Variants in PAK5 observed in about 807,000 individuals in gnomAD.
The protein encoded by PAK5 is p21 (RAC1) activated kinase 5.
PAK5 carries 16 observed loss-of-function variants against 65.9 expected under a neutral mutation model. The ratio of observed to expected loss-of-function variants is 0.24; its 90% CI spans 0.16 to 0.37. PAK5 has a LOEUF of 0.37. Among genes scored for constraint, PAK5 ranks in the 10% least tolerant of loss-of-function variants. The probability of loss-of-function intolerance (pLI) is 1.00; values close to 1 mark genes in which losing one functional copy is unlikely to be tolerated. For missense variants in PAK5, 785 were observed against 903.9 expected (o/e 0.87, Z 1.69); for synonymous variants, 371 against 354.9 (o/e 1.05, Z -0.51).
intron 7 of PAK5, among the ~76,000 whole-genome samples, chr20:9,556,864 C>T (rs1308111257): frequency 2.0e-5 from 3 of 152,158 alleles, no homozygotes; most frequent in African/African-American, 7.2e-5. Flanking sequence ...TGCATTTTGG[C>T]TCCTAGCTGA....
intron 3 of PAK5, among the ~76,000 whole-genome samples, chr20:9,636,332 C>T (rs575610282): frequency 6.6e-6 from 1 of 152,010 alleles, no homozygotes; most frequent in African/African-American, 2.4e-5. Flanking sequence ...ACATAAACTA[C>T]GATGGGAGAG....
chr20:9,690,926 T>C (rs1194906435), intron 2 of PAK5, among the ~76,000 whole-genome samples: 1 of 151,734 alleles, frequency 6.6e-6, no homozygotes, highest in Non-Finnish European at 1.5e-5. Flanking sequence ...GCTAATTTTT[T>C]GTATTTTTAA....
intron 1 of PAK5, among the ~76,000 whole-genome samples, chr20:9,738,310 C>T (rs6141022): frequency 0.11 from 16,351 of 151,882 alleles, 997 homozygotes; most frequent in African/African-American, 0.16. Flanking sequence ...CCATTTCATG[C>T]CTAGGTATTT....
intron 3 of PAK5, among the ~76,000 whole-genome samples, chr20:9,608,082 A>T (rs1443984695): frequency 6.6e-6 from 1 of 152,198 alleles, no homozygotes; most frequent in Non-Finnish European, 1.5e-5. Context: ...AGGGAGCTGT[A>T]TGGGGTCTCT....
chr20:9,785,821 A>G (rs1000885861), intron 1 of PAK5, among the ~76,000 whole-genome samples: 1 of 152,180 alleles, frequency 6.6e-6, no homozygotes, highest in Non-Finnish European at 1.5e-5. Flanking sequence ...AATAATTGTT[A>G]AAGTGGCATG....
intron 1 of PAK5, among the ~76,000 whole-genome samples, chr20:9,807,375 G>A (rs2049245433): frequency 6.6e-6 from 1 of 152,072 alleles, no homozygotes; most frequent in South Asian, 2.1e-4. Context: ...CAAATACTCA[G>A]TGTTGGCAAG....
intron 3 of PAK5, among the ~76,000 whole-genome samples, chr20:9,634,420 G>A (rs528602702): frequency 2.0e-5 from 3 of 152,284 alleles, no homozygotes; most frequent in East Asian, 3.9e-4. Context: ...TAATAACTAG[G>A]CCATGTGAGC....
chr20:9,816,096 G>C (rs141780224), intron 1 of PAK5, among the ~76,000 whole-genome samples: 11 of 152,290 alleles, frequency 7.2e-5, no homozygotes, highest in African/African-American at 2.6e-4. Context: ...ATGAGGGCAG[G>C]CTCTGGAGAA....
intron 1 of PAK5, among the ~76,000 whole-genome samples, chr20:9,836,968 C>A (rs1979199480): frequency 1.3e-5 from 2 of 152,224 alleles, no homozygotes; most frequent in African/African-American, 2.4e-5. Flanking sequence ...GCCTCCCATA[C>A]CTACAGCATT....
chr20:9,770,153 G>A (rs755550976), intron 1 of PAK5, among the ~76,000 whole-genome samples: 1 of 152,106 alleles, frequency 6.6e-6, no homozygotes, highest in East Asian at 1.9e-4. Context: ...TTGGGCAGGC[G>A]AAAGAGGACG....
intron 1 of PAK5, among the ~76,000 whole-genome samples, chr20:9,753,724 C>G (rs1346472511): frequency 1.3e-5 from 2 of 152,078 alleles, no homozygotes; most frequent in Non-Finnish European, 2.9e-5. Context: ...TTTGCCAAAG[C>G]CTACTGAAAA....
chr20:9,582,411 T>A (rs952507846), intron 3 of PAK5, among the ~76,000 whole-genome samples: 1 of 152,198 alleles, frequency 6.6e-6, no homozygotes, highest in Non-Finnish European at 1.5e-5. Flanking sequence ...GTTTTTCCCA[T>A]GTTTAAACAG....
Position 9,689,408 on chromosome 20 carries a change from T to C in PAK5, c.-12+21878A>G, listed in dbSNP as rs535327173. Reference sequence around the variant, plus strand: ...ACTTCAATAGCAGATGGACACTCAATTGATTGCAAGCAGACTCTTAATTAT... The same window carrying C: ...ACTTCAATAGCAGATGGACACTCAACTGATTGCAAGCAGACTCTTAATTAT... On this transcript the variant is annotated intron_variant, in intron 2 of 9. Transcript: ENST00000353224. Among the ~76,000 whole-genome samples, 16 of 152,300 alleles carry C rather than the reference T, an allele frequency of 1.1e-4. 1 individual carries two copies. The South Asian group carries it at 2.7e-3, about 26-fold the overall frequency.
At position 9,580,227 on chromosome 20, in the gene PAK5, G is replaced by T. The variant is rs746868962; in HGVS notation, c.908C>A (p.Ala303Glu). Residue 303 changes from alanine (A) to glutamate (E), a missense_variant, in exon 4 of 10, where the codon GCA (alanine) becomes GAA (glutamate). Physicochemically the swap from Ala to Glu is moderately radical, Grantham distance 107. Coordinates refer to ENST00000353224, the MANE Select transcript of PAK5 (RefSeq NM_177990.4). ...GTGTCCTTGGGGATGGGTTTTAAATGCACTTGCTCCAAATGGCATCATCGG... is the reference window on the plus strand; with the variant it reads ...GTGTCCTTGGGGATGGGTTTTAAATTCACTTGCTCCAAATGGCATCATCGG... ...QEPMMPFGAS[A>E]FKTHPQGHSY... 2.5e-6 allele frequency: 4 copies of T among 1,614,126 alleles called. No individual in the cohort carries two copies. The highest frequency in any genetic ancestry group is 3.4e-6 in the Non-Finnish European group (4 of 1,180,004).
chr20:9,560,401 C>T (rs886950113), intron 6 of PAK5, among the ~76,000 whole-genome samples: 1 of 152,050 alleles, frequency 6.6e-6, no homozygotes, highest in African/African-American at 2.4e-5. Flanking sequence ...GCTCTGTTGC[C>T]CAGGCTGGAG....
intron 2 of PAK5, among the ~76,000 whole-genome samples, chr20:9,695,344 G>C (rs1174446777): frequency 6.6e-6 from 1 of 151,910 alleles, no homozygotes; most frequent in African/African-American, 2.4e-5. Flanking sequence ...AGATGTATTT[G>C]ATGAATACTT....
Position 9,573,098 on chromosome 20 carries a change from CT to C in PAK5, c.991-6715del, listed in dbSNP as rs34357361. Among the ~76,000 whole-genome samples, 586 of 146,044 alleles carry C rather than the reference CT, an allele frequency of 4.0e-3. 1 individual carries two copies. Among genetic ancestry groups the C allele is most frequent in the African/African-American group, 0.01 (423 of 40,292 alleles). ...CAAGCAGTCATGATTGTGATTTCCTCTTTTTTTTTTTTGAAATGGCTAATAA... is the reference window on the plus strand; with the variant it reads ...CAAGCAGTCATGATTGTGATTTCCTCTTTTTTTTTTTGAAATGGCTAATAA... On this transcript the variant is annotated intron_variant, in intron 4 of 9. Coordinates refer to ENST00000353224, the MANE Select transcript of PAK5 (RefSeq NM_177990.4).
intron 2 of PAK5, among the ~76,000 whole-genome samples, chr20:9,693,705 T>G (rs2047828741): frequency 6.6e-6 from 1 of 152,160 alleles, no homozygotes; most frequent in Admixed American, 6.5e-5. Context: ...CAAATAAATT[T>G]TGAGTCATAT....
intron 2 of PAK5, among the ~76,000 whole-genome samples, chr20:9,648,463 C>T (rs1240166060): frequency 6.6e-6 from 1 of 150,392 alleles, no homozygotes; most frequent in African/African-American, 2.5e-5. Flanking sequence ...AGGGGTTGAA[C>T]ATAAACCTCT....
Sources: allele counts gnomAD v4.1 joint callset (sites outside exome capture counted in the v4.1 genomes callset), GRCh38; gene constraint gnomAD v4.1.1; transcripts MANE v1.5; gene names NCBI Gene and HGNC (gene_info 2026-07-23, HGNC 2026-07-21).